Variants in ACOXL observed in about 807,000 individuals in gnomAD.
ACOXL encodes acyl-coenzyme A oxidase-like protein.
In ACOXL, 70 loss-of-function variants were observed where a neutral mutation model predicts 71.9. That is an observed-to-expected ratio of 0.97 (90% CI 0.80 to 1.19). The LOEUF (loss-of-function observed/expected upper bound fraction) is 1.19. Ranked by LOEUF, ACOXL falls within the 50% of genes most tolerant of loss-of-function variation. The probability of loss-of-function intolerance (pLI) is 0.00; values close to 1 mark genes in which losing one functional copy is unlikely to be tolerated. For missense variants in ACOXL, 703 were observed against 736.3 expected (o/e 0.95, Z 0.52); for synonymous variants, 253 against 281.6 (o/e 0.90, Z 1.02).
intron 10 of ACOXL, 42 bp downstream of exon 10, chr2:110,841,447 C>G (rs1014728929): frequency 2.1e-5 from 32 of 1,540,874 alleles, no homozygotes; most frequent in Non-Finnish European, 2.5e-5. Flanking sequence ...ATTATCCTTA[C>G]CAGTTTATAG....
At chr2:110,844,557 T>TC (rs1192089156) in intron 10 of ACOXL, among the ~76,000 whole-genome samples, 1 of 150,430 alleles carries the variant, frequency 6.6e-6, no homozygotes, top group African/African-American at 2.4e-5. Flanking sequence ...TTTCTTTTTT[T>TC]TTTTTTTTGA....
intron 12 of ACOXL, among the ~76,000 whole-genome samples, chr2:110,950,765 C>A (rs756112939): frequency 3.3e-5 from 5 of 149,274 alleles, no homozygotes; most frequent in Non-Finnish European, 5.9e-5. Context: ...TAAACTTTCT[C>A]CAGCAAGAAT....
At chr2:110,941,535 G>C (rs2060868738) in intron 12 of ACOXL, among the ~76,000 whole-genome samples, 1 of 152,102 alleles carries the variant, frequency 6.6e-6, no homozygotes, top group East Asian at 1.9e-4. Context: ...GTTTTGCTGA[G>C]GACTCATTTG....
intron 8 of ACOXL, 93 bp from the exon 9 acceptor site, chr2:110,805,170 C>T (rs1344922364): frequency 4.6e-6 from 7 of 1,507,796 alleles, no homozygotes. Flanking sequence ...AATCCGAGTG[C>T]TTCCCTGTGT....
chr2:110,864,806 T>C (rs1249662667), intron 10 of ACOXL, among the ~76,000 whole-genome samples: 1 of 152,224 alleles, frequency 6.6e-6, no homozygotes, highest in Non-Finnish European at 1.5e-5. Flanking sequence ...GCTCACCCCA[T>C]TGGATCTCTG....
chr2:111,013,208 A>T lies in ACOXL; in HGVS notation c.1281+17204A>T, dbSNP rs187372258. 2.6e-5 allele frequency among the ~76,000 whole-genome samples: 4 copies of T among 152,300 alleles called. No homozygotes were observed. In the East Asian group the frequency reaches 7.7e-4, roughly 29 times the overall value. On this transcript the variant is annotated intron_variant, in intron 14 of 17. Transcript: ENST00000439055. ...TTAGAATAAATTCCTGGAAAAATAC[A>T]GCTCTCAAAAGTTAACAACAACAAA...
At chr2:110,942,676 A>C (rs2060908907) in intron 12 of ACOXL, among the ~76,000 whole-genome samples, 1 of 151,792 alleles carries the variant, frequency 6.6e-6, no homozygotes, top group African/African-American at 2.4e-5. Context: ...ACTTGAGGTC[A>C]GGAGTTCAAG....
intron 10 of ACOXL, among the ~76,000 whole-genome samples, chr2:110,845,511 C>G (rs567996976): frequency 6.6e-6 from 1 of 152,310 alleles, no homozygotes; most frequent in East Asian, 1.9e-4. Flanking sequence ...GCTGTGCAAT[C>G]AACACCACTG....
chr2:110,889,587 T>C (rs1697705500), intron 10 of ACOXL, among the ~76,000 whole-genome samples: 1 of 152,226 alleles, frequency 6.6e-6, no homozygotes, highest in African/African-American at 2.4e-5. Flanking sequence ...AATAAAATCA[T>C]ATAATAGGTG....
intron 3 of ACOXL, among the ~76,000 whole-genome samples, chr2:110,789,287 G>A (rs777946537): frequency 3.3e-5 from 5 of 152,196 alleles, no homozygotes; most frequent in Non-Finnish European, 7.3e-5. Context: ...CAATCTGGAA[G>A]GACTCTAACT....
chr2:110,821,983 G>GTGTGTA (rs1013324325), intron 9 of ACOXL, among the ~76,000 whole-genome samples: 1 of 151,830 alleles, frequency 6.6e-6, no homozygotes, highest in Admixed American at 6.6e-5. Context: ...GTGCGTGCGT[G>GTGTGTA]TGTGTATGTG....
intron 3 of ACOXL, among the ~76,000 whole-genome samples, chr2:110,785,810 T>G (rs1432698844): frequency 6.6e-6 from 1 of 152,182 alleles, no homozygotes; most frequent in Non-Finnish European, 1.5e-5. Flanking sequence ...AGTTACAGGA[T>G]GAATGAATGC....
intron 12 of ACOXL, among the ~76,000 whole-genome samples, chr2:110,949,385 C>T (rs1374200716): frequency 2.2e-5 from 2 of 90,922 alleles, no homozygotes; most frequent in African/African-American, 7.3e-5. Context: ...CTGACCAACT[C>T]CCTTTCTATT....
intron 11 of ACOXL, among the ~76,000 whole-genome samples, chr2:110,915,964 G>A (rs917590666): frequency 8.5e-5 from 13 of 152,140 alleles, no homozygotes; most frequent in African/African-American, 3.1e-4. Context: ...ATGCTTGATA[G>A]TATTTACTAA....
chr2:111,091,718 T>C (rs1481013192), intron 16 of ACOXL, among the ~76,000 whole-genome samples: 2 of 152,220 alleles, frequency 1.3e-5, no homozygotes, highest in Non-Finnish European at 2.9e-5. Context: ...GTCCAGACTT[T>C]GGTAATTTCA....
intron 10 of ACOXL, among the ~76,000 whole-genome samples, chr2:110,849,545 G>A (rs908038944): frequency 2.6e-5 from 4 of 152,216 alleles, no homozygotes; most frequent in Admixed American, 6.5e-5. Context: ...ATCACCTGAG[G>A]TCGGGAGTTC....
At chr2:110,910,651 A>G (rs1450863351) in intron 11 of ACOXL, among the ~76,000 whole-genome samples, 2 of 152,316 alleles carry the variant, frequency 1.3e-5, no homozygotes, top group East Asian at 3.9e-4. Flanking sequence ...ACTAGTAGGC[A>G]TGAAATGTTG....
At chr2:110,843,725 T>C (rs1046853424) in intron 10 of ACOXL, among the ~76,000 whole-genome samples, 2 of 152,220 alleles carry the variant, frequency 1.3e-5, no homozygotes, top group African/African-American at 4.8e-5. Flanking sequence ...GGAGACATCC[T>C]AGCACATGTG....
At position 110,769,650 on chromosome 2, in the gene ACOXL, T is replaced by TAAAACAAAAC. The variant is rs367968739; in HGVS notation, c.75+1211_75+1220dup. Among the ~76,000 whole-genome samples the TAAAACAAAAC allele has an allele frequency of 7.7e-3, 1,168 of 151,490 alleles. 12 individuals are homozygous for TAAAACAAAAC. Among genetic ancestry groups the TAAAACAAAAC allele is most frequent in the African/African-American group, 0.025 (1,014 of 41,006 alleles). ...CAACATGGTGAAACACTGTTTCTACTAAAACAAAACAAAACAAAACAAAAC... is the reference window on the plus strand; with the variant it reads ...CAACATGGTGAAACACTGTTTCTACTAAAACAAAACAAAACAAAACAAAACAAAACAAAAC... On this transcript the variant is annotated intron_variant, in intron 2 of 17. Coordinates refer to ENST00000439055, the MANE Select transcript of ACOXL (RefSeq NM_001142807.4).
Sources: gnomAD v4.1 joint callset for allele counts (sites outside exome capture counted in the v4.1 genomes callset) on GRCh38, gnomAD v4.1.1 for gene constraint, MANE v1.5 for transcripts, NCBI Gene and HGNC (gene_info 2026-07-23, HGNC 2026-07-21) for gene names.